RBFOX1: variants seen among roughly 807,000 people sequenced by gnomAD.
RBFOX1 encodes the protein RNA binding protein fox-1 homolog 1.
A neutral mutation model predicts 57.7 loss-of-function variants in RBFOX1; 8 were observed. The ratio of observed to expected loss-of-function variants is 0.14; its 90% CI spans 0.08 to 0.25. RBFOX1 has a LOEUF of 0.25. Ranked by LOEUF, RBFOX1 falls within the 10% of genes least tolerant of loss-of-function variation. The pLI is 1.00. For synonymous variants in RBFOX1, 326 were observed against 222.4 expected (o/e 1.47, Z -4.15); for missense variants, 611 against 548.5 (o/e 1.11, Z -1.14).
At chr16:6,594,983 T>C (rs970031541) in intron 2 of RBFOX1, among the ~76,000 whole-genome samples, 3 of 152,096 alleles carry the variant, frequency 2.0e-5, no homozygotes, top group Admixed American at 6.5e-5. Context: ...GAGACAAGGT[T>C]TCACCGTGTT....
At chr16:6,826,498 A>G (rs1031287235) in intron 3 of RBFOX1, among the ~76,000 whole-genome samples, 11 of 152,300 alleles carry the variant, frequency 7.2e-5, no homozygotes, top group African/African-American at 9.6e-5. Context: ...AGTGCCTGGT[A>G]TACAATAAGC....
intron 4 of RBFOX1, among the ~76,000 whole-genome samples, chr16:7,451,134 C>A (rs1296478601): frequency 6.6e-6 from 1 of 152,132 alleles, no homozygotes; most frequent in Non-Finnish European, 1.5e-5. Flanking sequence ...GAATCGTACT[C>A]AGAAAACATC....
intron 3 of RBFOX1, among the ~76,000 whole-genome samples, chr16:5,708,026 T>A (rs1447845930): frequency 6.6e-6 from 1 of 152,108 alleles, no homozygotes; most frequent in Admixed American, 6.5e-5. Context: ...CATGGTTAAT[T>A]ATTGTTGTTG....
chr16:5,997,800 T>C (rs1018373725), intron 4 of RBFOX1, among the ~76,000 whole-genome samples: 3 of 152,208 alleles, frequency 2.0e-5, no homozygotes, highest in Non-Finnish European at 4.4e-5. Flanking sequence ...TAAATGAACC[T>C]GTTTGCTTGG....
At chr16:6,940,289 A>C (rs755586312) in intron 3 of RBFOX1, among the ~76,000 whole-genome samples, 1 of 152,146 alleles carries the variant, frequency 6.6e-6, no homozygotes, top group Non-Finnish European at 1.5e-5. Context: ...CCCATATAGG[A>C]AGGGGCTGCT....
intron 4 of RBFOX1, among the ~76,000 whole-genome samples, chr16:6,007,900 GA>G (rs1328311178): frequency 6.6e-6 from 1 of 152,154 alleles, no homozygotes; most frequent in African/African-American, 2.4e-5. Context: ...GAACGCAGTG[GA>G]GAGGAGTATC....
chr16:5,692,615 A>G (rs886534350), intron 3 of RBFOX1, among the ~76,000 whole-genome samples: 1 of 152,136 alleles, frequency 6.6e-6, no homozygotes, highest in African/African-American at 2.4e-5. Flanking sequence ...ATGCAGCAAT[A>G]GAAAAGTAAT....
At chr16:6,991,497 GT>G (rs1457535530) in intron 3 of RBFOX1, among the ~76,000 whole-genome samples, 1 of 152,148 alleles carries the variant, frequency 6.6e-6, no homozygotes, top group Non-Finnish European at 1.5e-5. Flanking sequence ...GAATTCCCAT[GT>G]GATTATTATC....
At chr16:7,643,283 G>A (rs2063156966) in intron 11 of RBFOX1, among the ~76,000 whole-genome samples, 1 of 152,200 alleles carries the variant, frequency 6.6e-6, no homozygotes, top group Non-Finnish European at 1.5e-5. Context: ...TCGTTGCTCA[G>A]AGTAAATCCC....
At chr16:7,601,232 T>A (rs951414634) in intron 9 of RBFOX1, among the ~76,000 whole-genome samples, 1 of 152,202 alleles carries the variant, frequency 6.6e-6, no homozygotes, top group Non-Finnish European at 1.5e-5. Context: ...TTGTAGGAAG[T>A]TGTTTAAACT....
chr16:6,694,796 G>A (rs544635786), intron 3 of RBFOX1, among the ~76,000 whole-genome samples: 9 of 152,234 alleles, frequency 5.9e-5, no homozygotes, highest in South Asian at 2.1e-4. Context: ...GGGCTTTTCC[G>A]TGCATCAGTC....
At chr16:6,843,743 T>C (rs1289629267) in intron 3 of RBFOX1, among the ~76,000 whole-genome samples, 1 of 152,312 alleles carries the variant, frequency 6.6e-6, no homozygotes, top group Non-Finnish European at 1.5e-5. Flanking sequence ...TTTTCACATA[T>C]AAATTAAGTT....
intron 3 of RBFOX1, among the ~76,000 whole-genome samples, chr16:6,920,747 G>C (rs113432406): frequency 1.3e-5 from 2 of 152,270 alleles, no homozygotes; most frequent in African/African-American, 4.8e-5. Context: ...TTCATCTGCA[G>C]TGGGCTTTCC....
intron 3 of RBFOX1, among the ~76,000 whole-genome samples, chr16:6,865,323 C>T (rs1222156443): frequency 6.6e-6 from 1 of 151,856 alleles, no homozygotes; most frequent in Non-Finnish European, 1.5e-5. Context: ...TTTTTAAGTA[C>T]TTATAATAAT....
intron 9 of RBFOX1, among the ~76,000 whole-genome samples, chr16:7,605,274 T>C (rs954742357): frequency 1.4e-4 from 22 of 152,186 alleles, no homozygotes; most frequent in African/African-American, 5.3e-4. Flanking sequence ...TACGTCACTA[T>C]AGAAATTCTT....
At chr16:6,919,551 T>C (rs1256034589) in intron 3 of RBFOX1, among the ~76,000 whole-genome samples, 1 of 152,100 alleles carries the variant, frequency 6.6e-6, no homozygotes, top group Admixed American at 6.6e-5. Flanking sequence ...CCTACTCTCT[T>C]AGACATTTCT....
chr16:7,545,699 A>T (rs4786182), intron 5 of RBFOX1, among the ~76,000 whole-genome samples: 10 of 152,052 alleles, frequency 6.6e-5, no homozygotes, highest in South Asian at 2.1e-4. Context: ...GATTTACCTA[A>T]GGCTGCTATA....
At chr16:7,017,280 A>G (rs117740039) in intron 3 of RBFOX1, among the ~76,000 whole-genome samples, 1 of 152,154 alleles carries the variant, frequency 6.6e-6, no homozygotes, top group Non-Finnish European at 1.5e-5. Context: ...CCAAGTATAG[A>G]ATGATGGCAA....
At chr16:7,433,431 T>C (rs1010597725) in intron 4 of RBFOX1, among the ~76,000 whole-genome samples, 1 of 152,188 alleles carries the variant, frequency 6.6e-6, no homozygotes, top group African/African-American at 2.4e-5. Flanking sequence ...TCAAGTCTAA[T>C]AGGGGATAAT....
Sources: allele counts gnomAD v4.1 joint callset (sites outside exome capture counted in the v4.1 genomes callset), GRCh38; gene constraint gnomAD v4.1.1; transcripts MANE v1.5; gene names NCBI Gene and HGNC (gene_info 2026-07-23, HGNC 2026-07-21).